The following EVL variants were observed in gnomAD, a reference collection of about 807,000 sequenced individuals.
The protein encoded by EVL is ena/VASP-like protein.
Under a neutral mutation model 59.6 loss-of-function variants are expected in EVL, and 21 were observed. That is an observed-to-expected ratio of 0.35 (90% CI 0.25 to 0.51). The LOEUF is 0.51. Among genes scored for constraint, EVL ranks in the 20% least tolerant of loss-of-function variants. The pLI is 0.97. For synonymous variants in EVL, 198 were observed against 203.5 expected, an observed-to-expected ratio of 0.97 and a Z score of 0.23; for missense variants, 462 against 546.6, an observed-to-expected ratio of 0.85 and a Z score of 1.54.
rs888786689 is a variant in EVL, at chr14:100,114,375, C to T, written c.359-9164C>T. The stretch of plus-strand genomic sequence containing the variant: ...CACCTACAGGGTATCTCTTGGCAGA[C>T]ACCTGGTGTCACCAAGGCCTGTGAG... On this transcript the variant is annotated intron_variant, in intron 3 of 13. Transcript: ENST00000392920. This position sits in a 1 kb window ranked among gnomAD's most constrained non-coding sequence, Gnocchi z 5.0. Among the ~76,000 whole-genome samples the T allele has an allele frequency of 1.3e-5, 2 of 152,150 alleles. No individual in the cohort carries two copies. The highest frequency in any genetic ancestry group is 2.4e-5 in the African/African-American group (1 of 41,440).
At chr14:99,990,707 CTA>C (rs199591511) in intron 1 of EVL, among the ~76,000 whole-genome samples, 2 of 151,764 alleles carry the variant, frequency 1.3e-5, no homozygotes, top group Admixed American at 6.6e-5. Flanking sequence ...ATATTATACT[CTA>C]TATATATATA....
At chr14:100,001,167 AGGT>A (rs1190130511) in intron 1 of EVL, among the ~76,000 whole-genome samples, 1 of 152,194 alleles carries the variant, frequency 6.6e-6, no homozygotes, top group Non-Finnish European at 1.5e-5. Context: ...GTATGTAAAT[AGGT>A]TGCTGTTATT....
chr14:100,044,021 C>G (rs1410496606), intron 1 of EVL, among the ~76,000 whole-genome samples: 1 of 152,152 alleles, frequency 6.6e-6, no homozygotes, highest in Admixed American at 6.5e-5. Context: ...TAGGTCTTCC[C>G]TACTCAGTCC....
intron 3 of EVL, chr14:100,107,631 T>C (rs1886655739): frequency 4.2e-6 from 1 of 239,486 alleles, no homozygotes; most frequent in Non-Finnish European, 7.9e-6. Context: ...GCAGTGCTGG[T>C]GAGGAGAGGG....
intron 1 of EVL, among the ~76,000 whole-genome samples, chr14:100,020,795 C>G (rs1179266888): frequency 6.6e-6 from 1 of 152,206 alleles, no homozygotes; most frequent in African/African-American, 2.4e-5. Context: ...CTGCCCTTTT[C>G]AGTAAACTTG....
chr14:99,975,716 C>T (rs915383678), intron 1 of EVL, among the ~76,000 whole-genome samples: 4 of 152,222 alleles, frequency 2.6e-5, no homozygotes, highest in Admixed American at 6.5e-5. Flanking sequence ...AGGAGGCAGA[C>T]TGCAGGCAGT....
At chr14:100,043,277 GTGTGTGTGTATATATA>G (rs1566981048) in intron 1 of EVL, among the ~76,000 whole-genome samples, 1 of 149,654 alleles carries the variant, frequency 6.7e-6, no homozygotes, top group Non-Finnish European at 1.5e-5. Flanking sequence ...ATATATATAT[GTGTGTGTGTATATATA>G]TGTGTGTGTG....
At chr14:100,030,156 A>C (rs1185220382) in intron 1 of EVL, among the ~76,000 whole-genome samples, 1 of 149,880 alleles carries the variant, frequency 6.7e-6, no homozygotes, top group African/African-American at 2.5e-5. Context: ...ACAGTGGCGC[A>C]ATCTCAGCTC....
intron 1 of EVL, among the ~76,000 whole-genome samples, chr14:100,052,488 A>G (rs1056458478): frequency 6.6e-6 from 1 of 152,216 alleles, no homozygotes; most frequent in African/African-American, 2.4e-5. Flanking sequence ...ACGGTGTCTC[A>G]TGCCTGTAAT....
intron 1 of EVL, among the ~76,000 whole-genome samples, chr14:100,070,782 G>A (rs901942014): frequency 1.3e-5 from 2 of 152,236 alleles, no homozygotes; most frequent in African/African-American, 4.8e-5. Context: ...GGCCTCTACA[G>A]TTGTCCCAAG....
intron 1 of EVL, among the ~76,000 whole-genome samples, chr14:99,986,986 C>G (rs868315524): frequency 1.3e-5 from 2 of 152,058 alleles, no homozygotes; most frequent in Non-Finnish European, 2.9e-5. Context: ...TCTGTGTGAC[C>G]TTATGTTAGA....
intron 1 of EVL, among the ~76,000 whole-genome samples, chr14:100,051,956 C>T (rs2061654568): frequency 6.6e-6 from 1 of 152,216 alleles, no homozygotes; most frequent in Non-Finnish European, 1.5e-5. Context: ...TACCTTACCT[C>T]AGGACATAAT....
rs1413931031 is a variant in EVL, at chr14:100,110,660, G to A, written c.359-12879G>A. On this transcript the variant is annotated intron_variant, in intron 3 of 13. Coordinates refer to ENST00000392920, the MANE Select transcript of EVL (RefSeq NM_016337.3). ...GGGGGTCTCCCTCGGCACATTGGTA[G>A]TACTGTGCATGCCTCACGGGTGCCC... 2.0e-5 allele frequency among the ~76,000 whole-genome samples: 3 copies of A among 152,158 alleles called. No homozygotes were observed. In the East Asian group the frequency reaches 5.8e-4, roughly 29 times the overall value.
At chr14:100,031,065 A>T (rs1158534248) in intron 1 of EVL, among the ~76,000 whole-genome samples, 1 of 152,196 alleles carries the variant, frequency 6.6e-6, no homozygotes, top group African/African-American at 2.4e-5. Flanking sequence ...CTATGATGTG[A>T]TACATTCTGG....
Position 100,097,530 on chromosome 14 carries a change from C to T in EVL, c.230C>T (p.Thr77Met), listed in dbSNP as rs1450563732. The change falls in exon 3 of 14, where the codon ACG becomes ATG. Residue 77 changes from threonine (T) to methionine (M), a missense_variant. Thr to Met is a moderately conservative substitution (Grantham distance 81). Coordinates refer to ENST00000392920, the MANE Select transcript of EVL (RefSeq NM_016337.3). Reference protein sequence around the residue: ...IVKGLKYNQATPTFHQWRDAR... With the variant: ...IVKGLKYNQAMPTFHQWRDAR... ...AAAGGGCTGAAGTACAATCAGGCCA[C>T]GCCAACCTTCCACCAGTGGCGAGAT... 3.7e-6 allele frequency: 6 copies of T among 1,613,902 alleles called. No individual in the cohort carries two copies. The highest frequency in any genetic ancestry group is 5.1e-6 in the Non-Finnish European group (6 of 1,179,942).
intron 1 of EVL, among the ~76,000 whole-genome samples, chr14:99,983,134 C>G (rs769607364): frequency 6.6e-6 from 1 of 152,124 alleles, no homozygotes; most frequent in Non-Finnish European, 1.5e-5. Flanking sequence ...ATATTCTGCC[C>G]TTTTGTCAGA....
chr14:99,998,396 A>G (rs933033402), intron 1 of EVL, among the ~76,000 whole-genome samples: 15 of 152,164 alleles, frequency 9.9e-5, no homozygotes, highest in Middle Eastern at 3.4e-3. Context: ...TCTCCTTCCC[A>G]TGGATCTCTA....
intron 1 of EVL, among the ~76,000 whole-genome samples, chr14:100,033,654 G>C (rs1286847186): frequency 6.6e-6 from 1 of 152,204 alleles, no homozygotes; most frequent in Non-Finnish European, 1.5e-5. Flanking sequence ...ACTTGACTAT[G>C]ATCAGTGTAA....
At chr14:100,086,543 C>A (rs1283207280) in intron 2 of EVL, among the ~76,000 whole-genome samples, 1 of 152,226 alleles carries the variant, frequency 6.6e-6, no homozygotes. Flanking sequence ...AGTAGGAAGA[C>A]GGCATGGTGT....
Sources: allele counts gnomAD v4.1 joint callset (sites outside exome capture counted in the v4.1 genomes callset), GRCh38; gene constraint gnomAD v4.1.1; non-coding constraint Gnocchi (gnomAD v3.1); transcripts MANE v1.5; gene names NCBI Gene and HGNC (gene_info 2026-07-23, HGNC 2026-07-21).